Variants in NCALD observed in about 807,000 individuals in gnomAD.
The protein encoded by NCALD is neurocalcin-delta.
In NCALD, 10 loss-of-function variants were observed where a neutral mutation model predicts 18.6. The ratio of observed to expected loss-of-function variants is 0.54; its 90% CI spans 0.33 to 0.91. The LOEUF is 0.91. Among genes scored for constraint, NCALD ranks in the 40% least tolerant of loss-of-function variants. The pLI is 0.03. For missense variants in NCALD, 184 were observed against 247.6 expected (o/e 0.74, Z 1.72); for synonymous variants, 88 against 87.4 (o/e 1.01, Z -0.04).
intron 4 of NCALD, among the ~76,000 whole-genome samples, chr8:101,868,595 C>T (rs1815874445): frequency 6.6e-6 from 1 of 152,170 alleles, no homozygotes; most frequent in Non-Finnish European, 1.5e-5. Flanking sequence ...TGCATAGGAG[C>T]ATAATTTTGT....
intron 2 of NCALD, among the ~76,000 whole-genome samples, chr8:101,993,154 A>C (rs1268173078): frequency 2.0e-5 from 3 of 151,190 alleles, no homozygotes; most frequent in Non-Finnish European, 4.4e-5. Flanking sequence ...ACAGGAAAAA[A>C]AAAAAAAGAT....
chr8:101,702,503 T>A (rs1586243881), intron 2 of NCALD, among the ~76,000 whole-genome samples: 1 of 152,270 alleles, frequency 6.6e-6, no homozygotes, highest in East Asian at 1.9e-4. Flanking sequence ...GTGTGGAAAT[T>A]ACAGGTGTGA....
chr8:101,955,047 C>T (rs1819570946), intron 2 of NCALD, among the ~76,000 whole-genome samples: 1 of 152,128 alleles, frequency 6.6e-6, no homozygotes, highest in South Asian at 2.1e-4. Context: ...ACCCAGAGAT[C>T]TTTCCTCCAT....
At chr8:101,857,936 T>C (rs1028985527) in intron 4 of NCALD, among the ~76,000 whole-genome samples, 14 of 152,162 alleles carry the variant, frequency 9.2e-5, no homozygotes, top group African/African-American at 3.4e-4. Context: ...GATACAAATA[T>C]ATACTTATAA....
intron 1 of NCALD, among the ~76,000 whole-genome samples, chr8:102,059,333 A>G (rs6994388): frequency 0.15 from 22,824 of 152,128 alleles, 2,065 homozygotes; most frequent in African/African-American, 0.24. Context: ...AAGTGGGTAT[A>G]TTGTGATTAT....
intron 1 of NCALD, among the ~76,000 whole-genome samples, chr8:102,026,182 C>G (rs1381943642): frequency 1.3e-5 from 2 of 152,130 alleles, no homozygotes; most frequent in Non-Finnish European, 2.9e-5. Flanking sequence ...TGGCCCTTCC[C>G]AAATCTCATG....
At chr8:101,959,162 G>A (rs1034207639) in intron 2 of NCALD, among the ~76,000 whole-genome samples, 3 of 152,044 alleles carry the variant, frequency 2.0e-5, no homozygotes, top group African/African-American at 4.8e-5. Flanking sequence ...CCTTCAATCT[G>A]CAACAGATTC....
At chr8:101,835,418 C>T (rs966210298) in intron 4 of NCALD, among the ~76,000 whole-genome samples, 1 of 152,214 alleles carries the variant, frequency 6.6e-6, no homozygotes, top group Admixed American at 6.5e-5. Flanking sequence ...AGGGGAGATG[C>T]CCCTGGTATG....
chr8:101,935,250 T>A (rs188012639), intron 2 of NCALD, among the ~76,000 whole-genome samples: 1 of 152,206 alleles, frequency 6.6e-6, no homozygotes, highest in Admixed American at 6.5e-5. Flanking sequence ...GGGGAATAGG[T>A]ACTCCAAAAA....
chr8:101,954,181 A>C (rs376590185), intron 2 of NCALD, among the ~76,000 whole-genome samples: 11 of 152,194 alleles, frequency 7.2e-5, no homozygotes, highest in African/African-American at 1.7e-4. Flanking sequence ...GGACCTCAGG[A>C]GCAAGCCTGT....
At chr8:101,735,030 G>C (rs1238138636) in intron 1 of NCALD, among the ~76,000 whole-genome samples, 1 of 152,062 alleles carries the variant, frequency 6.6e-6, no homozygotes, top group Non-Finnish European at 1.5e-5. Flanking sequence ...AAGGGAAGAA[G>C]AACAAGAGGA....
At chr8:101,870,895 CCA>C (rs1366001277) in intron 4 of NCALD, among the ~76,000 whole-genome samples, 1 of 61,814 alleles carries the variant, frequency 1.6e-5, no homozygotes, top group African/African-American at 7.4e-5. Context: ...ACCACCGCCC[CCA>C]CCCCCCCCCC....
In NCALD at chr8:101,909,883, C is replaced by G. The variant is rs537462348; in HGVS notation, c.-107+5926G>C. On this transcript the variant is annotated intron_variant, in intron 3 of 6. Transcript: ENST00000311028. ...TAATAGTTCCTAGACAGGGTAGACC[C>G]ATAGCAAGCAACGTATGCATCTACC... Among the ~76,000 whole-genome samples the G allele has an allele frequency of 2.2e-3, 331 of 152,212 alleles. 1 individual carries two copies. Among genetic ancestry groups the G allele is most frequent in the Non-Finnish European group, 2.9e-3 (199 of 67,998 alleles).
intron 2 of NCALD, among the ~76,000 whole-genome samples, chr8:101,939,606 T>TA (rs143724822): frequency 0.022 from 3,393 of 152,082 alleles, 111 homozygotes; most frequent in African/African-American, 0.07. Context: ...TTCTTCTTAG[T>TA]AAAAAAAATA....
chr8:102,027,395 A>G (rs972367679), intron 1 of NCALD, among the ~76,000 whole-genome samples: 8 of 152,184 alleles, frequency 5.3e-5, no homozygotes, highest in African/African-American at 1.9e-4. Flanking sequence ...ACGGGGCAAA[A>G]TGCCGCCAGT....
chr8:101,835,148 TGGTTA>T (rs142535488), intron 4 of NCALD, among the ~76,000 whole-genome samples: 3,628 of 152,342 alleles, frequency 0.024, 143 homozygotes, highest in African/African-American at 0.081. Context: ...GCAGTGTGCT[TGGTTA>T]GGTACCATCG....
chr8:101,903,058 G>A (rs1473742022), intron 3 of NCALD, among the ~76,000 whole-genome samples: 2 of 152,180 alleles, frequency 1.3e-5, no homozygotes, highest in Non-Finnish European at 2.9e-5. Context: ...TGCTGCTTAT[G>A]CGTGCTCCTT....
chr8:101,801,938 T>C (rs1030003459), intron 4 of NCALD, among the ~76,000 whole-genome samples: 9 of 152,216 alleles, frequency 5.9e-5, no homozygotes, highest in African/African-American at 2.2e-4. Flanking sequence ...AGTGCTGGGA[T>C]TACAGGCGTG....
intron 2 of NCALD, among the ~76,000 whole-genome samples, chr8:101,929,421 GGGAGGAAGGAAGGAAGGAAA>G (rs1184945130): frequency 2.0e-5 from 1 of 49,936 alleles, no homozygotes; most frequent in African/African-American, 1.1e-4. Context: ...GAGGAAGGGA[GGGAGGAAGGAAGGAAGGAAA>G]GGAGGGAGGG....
Sources: allele counts gnomAD v4.1 joint callset (sites outside exome capture counted in the v4.1 genomes callset), GRCh38; gene constraint gnomAD v4.1.1; transcripts MANE v1.5; gene names NCBI Gene and HGNC (gene_info 2026-07-23, HGNC 2026-07-21).